Variants in WWTR1 observed in about 807,000 individuals in gnomAD.
WWTR1 encodes the protein WW domain-containing transcription regulator protein 1.
WWTR1 carries 13 observed loss-of-function variants against 40.1 expected under a neutral mutation model. That is an observed-to-expected ratio of 0.32 (90% CI 0.21 to 0.52). WWTR1 has a LOEUF of 0.52. Among genes scored for constraint, WWTR1 ranks in the 20% least tolerant of loss-of-function variants. The pLI is 0.97. For synonymous variants in WWTR1, 230 were observed against 210.1 expected (o/e 1.09, Z -0.82); for missense variants, 436 against 523.1 (o/e 0.83, Z 1.63).
At chr3:149,685,117 T>C (rs114348503) in intron 1 of WWTR1, among the ~76,000 whole-genome samples, 8 of 152,336 alleles carry the variant, frequency 5.3e-5, no homozygotes, top group Non-Finnish European at 1.2e-4. Flanking sequence ...TTAGAGGACA[T>C]GCTCTCTTAT....
In WWTR1 at chr3:149,565,523, G is replaced by A. The variant is rs190575967; in HGVS notation, c.568+7341C>T. ...TATTTTTTATATGCTATTATGTCCTGCTTTATTACATAAAAGGAACTCAAT... is the reference window on the plus strand; with the variant it reads ...TATTTTTTATATGCTATTATGTCCTACTTTATTACATAAAAGGAACTCAAT... On this transcript the variant is annotated intron_variant, in intron 3 of 6. Coordinates refer to ENST00000360632, the MANE Select transcript of WWTR1 (RefSeq NM_015472.6). Among the ~76,000 whole-genome samples the A allele has an allele frequency of 1.8e-3, 279 of 152,070 alleles. 1 individual carries two copies. Among genetic ancestry groups the A allele is most frequent in the African/African-American group, 6.3e-3 (262 of 41,504 alleles).
upstream of WWTR1, among the ~76,000 whole-genome samples, chr3:149,662,296 C>G (rs1388250238): frequency 6.6e-6 from 1 of 152,146 alleles, no homozygotes; most frequent in Non-Finnish European, 1.5e-5. Flanking sequence ...CATTTTAAAT[C>G]GTGTGATACT....
chr3:149,568,486 C>T (rs1208295877), intron 3 of WWTR1, among the ~76,000 whole-genome samples: 1 of 115,824 alleles, frequency 8.6e-6, no homozygotes, highest in Non-Finnish European at 1.7e-5. Flanking sequence ...TAGTTTTAAG[C>T]TAGACGAAAC....
At chr3:149,652,669 A>G (rs1272212824) in intron 2 of WWTR1, among the ~76,000 whole-genome samples, 1 of 111,962 alleles carries the variant, frequency 8.9e-6, no homozygotes, top group East Asian at 2.5e-4. Flanking sequence ...AAAAAAAAAG[A>G]TGATTATTTA....
At chr3:149,652,735 GA>G (rs1329971335) in intron 2 of WWTR1, among the ~76,000 whole-genome samples, 1 of 136,322 alleles carries the variant, frequency 7.3e-6, no homozygotes, top group East Asian at 2.1e-4. Flanking sequence ...ACCTGGGAGA[GA>G]AAAAAGAAAA....
At chr3:149,525,820 G>T in intron 6 of WWTR1, 193 bp downstream of exon 6, 1 of 377,770 alleles carries the variant, frequency 2.6e-6, no homozygotes, top group East Asian at 3.9e-5. Flanking sequence ...CTCACTACCT[G>T]GGTGACGAGA....
At chr3:149,662,770 A>C (rs1713640722), upstream of WWTR1, among the ~76,000 whole-genome samples, 1 of 152,202 alleles carries the variant, frequency 6.6e-6, no homozygotes, top group Admixed American at 6.5e-5. Context: ...ACACACTGCC[A>C]TCTTCATAGC....
intron 2 of WWTR1, among the ~76,000 whole-genome samples, chr3:149,647,249 T>A (rs1191190865): frequency 6.6e-6 from 1 of 152,258 alleles, no homozygotes; most frequent in Non-Finnish European, 1.5e-5. Flanking sequence ...AATGCCTTTG[T>A]ACTTATTTTA....
intron 2 of WWTR1, among the ~76,000 whole-genome samples, chr3:149,654,658 C>T (rs567881300): frequency 6.6e-6 from 1 of 152,150 alleles, no homozygotes; most frequent in Non-Finnish European, 1.5e-5. Flanking sequence ...ATTCAAAACA[C>T]AATGTATAAA....
At chr3:149,607,556 C>T (rs1025809052) in intron 2 of WWTR1, among the ~76,000 whole-genome samples, 2 of 152,126 alleles carry the variant, frequency 1.3e-5, no homozygotes, top group South Asian at 2.1e-4. Flanking sequence ...CCTCGTGATC[C>T]GCCCGCCTCG....
At chr3:149,521,191 G>C (rs1019737306) in intron 6 of WWTR1, among the ~76,000 whole-genome samples, 1 of 152,196 alleles carries the variant, frequency 6.6e-6, no homozygotes, top group African/African-American at 2.4e-5. Context: ...AGGCCAAGGA[G>C]ATAAGAAAGG....
At chr3:149,581,678 A>G (rs1209710481) in intron 2 of WWTR1, among the ~76,000 whole-genome samples, 2 of 152,320 alleles carry the variant, frequency 1.3e-5, no homozygotes, top group Non-Finnish European at 2.9e-5. Context: ...AATGAATGGC[A>G]GGGATTGTAT....
At chr3:149,639,075 C>A (rs904548515) in intron 2 of WWTR1, among the ~76,000 whole-genome samples, 11 of 152,190 alleles carry the variant, frequency 7.2e-5, no homozygotes, top group African/African-American at 2.7e-4. Context: ...TGGTTACATT[C>A]TCTCTGCTTT....
intron 2 of WWTR1, among the ~76,000 whole-genome samples, chr3:149,584,712 G>A (rs550172831): frequency 9.9e-5 from 15 of 152,244 alleles, no homozygotes; most frequent in East Asian, 3.9e-4. Context: ...ATCTTCAGTC[G>A]AAAATATCAC....
At chr3:149,549,926 T>G (rs1224101545) in intron 3 of WWTR1, among the ~76,000 whole-genome samples, 1 of 152,064 alleles carries the variant, frequency 6.6e-6, no homozygotes, top group East Asian at 2.0e-4. Context: ...AAAAAGATAT[T>G]AGATAAAAAC....
intron 2 of WWTR1, among the ~76,000 whole-genome samples, chr3:149,666,331 A>G (rs750772795): frequency 6.6e-6 from 1 of 152,210 alleles, no homozygotes; most frequent in Non-Finnish European, 1.5e-5. Context: ...CAAGGTGGAG[A>G]GAGGACCTGA....
intron 4 of WWTR1, among the ~76,000 whole-genome samples, chr3:149,539,562 C>G (rs1454793160): frequency 6.6e-6 from 1 of 152,008 alleles, no homozygotes; most frequent in Non-Finnish European, 1.5e-5. Flanking sequence ...AAGGGATATT[C>G]AGGCAGTTGT....
At chr3:149,546,611 T>C (rs532787460) in intron 3 of WWTR1, among the ~76,000 whole-genome samples, 2 of 152,352 alleles carry the variant, frequency 1.3e-5, no homozygotes, top group Admixed American at 1.3e-4. Context: ...GATCTTCCTT[T>C]TCCTTTTCTG....
upstream of WWTR1, among the ~76,000 whole-genome samples, chr3:149,660,477 C>G (rs71304482): frequency 0.15 from 22,384 of 152,216 alleles, 2,017 homozygotes; most frequent in Admixed American, 0.27. Flanking sequence ...CACAGGATAA[C>G]TGAAAAACTC....
Sources: allele counts gnomAD v4.1 joint callset (sites outside exome capture counted in the v4.1 genomes callset), GRCh38; gene constraint gnomAD v4.1.1; transcripts MANE v1.5; gene names NCBI Gene and HGNC (gene_info 2026-07-23, HGNC 2026-07-21).